PLCB1: variants seen among roughly 807,000 people sequenced by gnomAD.
The protein encoded by PLCB1 is 1-phosphatidylinositol 4,5-bisphosphate phosphodiesterase beta-1.
In PLCB1, 46 loss-of-function variants were observed where a neutral mutation model predicts 161.8. That is an observed-to-expected ratio of 0.28 (90% CI 0.22 to 0.36). The LOEUF (loss-of-function observed/expected upper bound fraction) is 0.36. Ranked by LOEUF, PLCB1 falls within the 10% of genes least tolerant of loss-of-function variation. The pLI, the probability that PLCB1 is intolerant of heterozygous loss-of-function variation, is 1.00. For synonymous variants in PLCB1, 517 were observed against 503.7 expected (o/e 1.03, Z -0.35); for missense variants, 1,016 against 1,472.5 (o/e 0.69, Z 5.07).
chr20:8,147,271 G>A (rs1395133517), intron 1 of PLCB1, among the ~76,000 whole-genome samples: 2 of 152,194 alleles, frequency 1.3e-5, no homozygotes, highest in Non-Finnish European at 1.5e-5. Flanking sequence ...CAGTGAACTT[G>A]ATGCATAGGC....
At chr20:8,497,959 T>G (rs895826417) in intron 3 of PLCB1, among the ~76,000 whole-genome samples, 1 of 152,218 alleles carries the variant, frequency 6.6e-6, no homozygotes, top group Non-Finnish European at 1.5e-5. Flanking sequence ...ACCTCATTTT[T>G]CCTTTTATAT....
chr20:8,443,502 A>T (rs1980664639), intron 3 of PLCB1, among the ~76,000 whole-genome samples: 1 of 152,170 alleles, frequency 6.6e-6, no homozygotes, highest in Admixed American at 6.5e-5. Flanking sequence ...ATTGACCATT[A>T]GGCTTAGTTT....
chr20:8,756,943 A>G (rs1981766396), intron 23 of PLCB1, 103 bp from the exon 24 acceptor site: 2 of 1,121,616 alleles, frequency 1.8e-6, no homozygotes, highest in Non-Finnish European at 2.5e-6. Context: ...TTCCAACTCC[A>G]AAAGAATTGT....
At chr20:8,837,364 A>C (rs73895341) in intron 31 of PLCB1, among the ~76,000 whole-genome samples, 6,140 of 152,306 alleles carry the variant, frequency 0.04, 190 homozygotes, top group African/African-American at 0.082. Context: ...ATAATAGAAA[A>C]GTTTGGAAAA....
intron 3 of PLCB1, among the ~76,000 whole-genome samples, chr20:8,582,356 C>T (rs901044218): frequency 6.6e-6 from 1 of 152,104 alleles, no homozygotes; most frequent in Non-Finnish European, 1.5e-5. Flanking sequence ...CCAATAGTGG[C>T]CCGTAGCCCA....
At chr20:8,240,155 A>G (rs972613018) in intron 2 of PLCB1, among the ~76,000 whole-genome samples, 6 of 151,102 alleles carry the variant, frequency 4.0e-5, no homozygotes, top group African/African-American at 1.5e-4. Flanking sequence ...TTTTTTCATG[A>G]AAAAAAACAA....
intron 31 of PLCB1, among the ~76,000 whole-genome samples, chr20:8,845,650 G>T (rs1018950203): frequency 8.6e-5 from 13 of 151,844 alleles, no homozygotes; most frequent in Non-Finnish European, 1.2e-4. Flanking sequence ...TATATCAAGG[G>T]TTTTTTTGGT....
At chr20:8,795,311 G>A (rs972515460) in intron 31 of PLCB1, among the ~76,000 whole-genome samples, 13 of 152,052 alleles carry the variant, frequency 8.5e-5, no homozygotes, top group African/African-American at 2.2e-4. Flanking sequence ...GTGGTCCCTC[G>A]AAGCAACTTG....
chr20:8,686,642 A>G (rs1432645389), intron 10 of PLCB1, among the ~76,000 whole-genome samples: 1 of 152,074 alleles, frequency 6.6e-6, no homozygotes, highest in Admixed American at 6.6e-5. Flanking sequence ...GGGTTTTCAG[A>G]TTTTATGTAT....
At chr20:8,656,137 A>G (rs1352250693) in intron 7 of PLCB1, among the ~76,000 whole-genome samples, 2 of 152,066 alleles carry the variant, frequency 1.3e-5, no homozygotes, top group Non-Finnish European at 2.9e-5. Flanking sequence ...TCTATGTATA[A>G]TGATTCATGT....
chr20:8,189,736 T>C (rs8120770), intron 2 of PLCB1, among the ~76,000 whole-genome samples: 8,508 of 152,156 alleles, frequency 0.056, 722 homozygotes, highest in African/African-American at 0.18. Flanking sequence ...TCAACAGTTG[T>C]ATTATTCACA....
At chr20:8,448,585 CA>C (rs1018865514) in intron 3 of PLCB1, among the ~76,000 whole-genome samples, 107 of 152,270 alleles carry the variant, frequency 7.0e-4, no homozygotes, top group African/African-American at 2.6e-3. Flanking sequence ...TTTCCAACAC[CA>C]GGGTTCCTTT....
At chr20:8,435,437 G>A (rs1980255536) in intron 3 of PLCB1, among the ~76,000 whole-genome samples, 1 of 152,172 alleles carries the variant, frequency 6.6e-6, no homozygotes, top group South Asian at 2.1e-4. Flanking sequence ...TCCTGGGTGA[G>A]CCTGACTTAA....
chr20:8,607,475 G>A (rs546057247), intron 3 of PLCB1, among the ~76,000 whole-genome samples: 13 of 152,176 alleles, frequency 8.5e-5, no homozygotes, highest in East Asian at 3.9e-4. Flanking sequence ...TCACTGTGCC[G>A]CTCTCTTGCT....
chr20:8,717,117 T>A (rs1364712362), intron 13 of PLCB1, among the ~76,000 whole-genome samples: 2 of 152,210 alleles, frequency 1.3e-5, no homozygotes, highest in Non-Finnish European at 2.9e-5. Flanking sequence ...ATGTGGTAGC[T>A]TGAATCTTAG....
chr20:8,331,702 A>T (rs778626271), intron 2 of PLCB1, among the ~76,000 whole-genome samples: 8 of 152,212 alleles, frequency 5.3e-5, no homozygotes, highest in Non-Finnish European at 8.8e-5. Flanking sequence ...TTTATTAAAG[A>T]AATGAGGGCA....
chr20:8,575,474 G>C (rs564046193), intron 3 of PLCB1, among the ~76,000 whole-genome samples: 31 of 152,290 alleles, frequency 2.0e-4, no homozygotes, highest in African/African-American at 7.2e-4. Context: ...CATAAATTTG[G>C]CAAAGGAGCA....
At chr20:8,433,534 T>G (rs943525927) in intron 3 of PLCB1, among the ~76,000 whole-genome samples, 4 of 147,166 alleles carry the variant, frequency 2.7e-5, no homozygotes, top group Admixed American at 2.7e-4. Context: ...TGAGTGACCC[T>G]TAGGAAGTTC....
At chr20:8,825,568 A>G (rs934640725) in intron 31 of PLCB1, among the ~76,000 whole-genome samples, 2 of 152,224 alleles carry the variant, frequency 1.3e-5, no homozygotes, top group Non-Finnish European at 2.9e-5. Flanking sequence ...GAGCATCAGG[A>G]AAAGAATATA....
Sources: gnomAD v4.1 joint callset for allele counts (sites outside exome capture counted in the v4.1 genomes callset) on GRCh38, gnomAD v4.1.1 for gene constraint, MANE v1.5 for transcripts, NCBI Gene and HGNC (gene_info 2026-07-23, HGNC 2026-07-21) for gene names.